NTNG1: variants seen among roughly 807,000 people sequenced by gnomAD.
The protein encoded by NTNG1 is netrin G1.
A neutral mutation model predicts 54.0 loss-of-function variants in NTNG1; 16 were observed. The observed-to-expected ratio is 0.30, with a 90% CI of 0.20 to 0.45. The LOEUF is 0.45. Among genes scored for constraint, NTNG1 ranks in the 20% least tolerant of loss-of-function variants. NTNG1 has a pLI of 1.00. For synonymous variants in NTNG1, 255 were observed against 263.1 expected (o/e 0.97, Z 0.30); for missense variants, 530 against 678.7 (o/e 0.78, Z 2.43).
At chr1:107,323,761 C>T (rs1354825423) in intron 2 of NTNG1, among the ~76,000 whole-genome samples, 2 of 90,682 alleles carry the variant, frequency 2.2e-5, no homozygotes. Flanking sequence ...TTAAGTATGA[C>T]GGATTTCAGG....
chr1:107,181,035 C>T (rs1429944532), intron 2 of NTNG1, among the ~76,000 whole-genome samples: 1 of 152,178 alleles, frequency 6.6e-6, no homozygotes, highest in Non-Finnish European at 1.5e-5. Context: ...GCAGATTCCC[C>T]TCCTGCAAGT....
chr1:107,304,566 C>T (rs968868844), intron 2 of NTNG1, among the ~76,000 whole-genome samples: 1 of 152,092 alleles, frequency 6.6e-6, no homozygotes, highest in Non-Finnish European at 1.5e-5. Context: ...TGAGAAATCT[C>T]CAATTATTTT....
chr1:107,183,452 G>A (rs1269890748), intron 2 of NTNG1, among the ~76,000 whole-genome samples: 1 of 152,076 alleles, frequency 6.6e-6, no homozygotes, highest in African/African-American at 2.4e-5. Flanking sequence ...TTTTCTACTT[G>A]AAGCATTCAA....
chr1:107,406,133 C>A (rs936426076), intron 4 of NTNG1, among the ~76,000 whole-genome samples: 6 of 152,170 alleles, frequency 3.9e-5, no homozygotes, highest in Non-Finnish European at 5.9e-5. Flanking sequence ...TTCATTCTTT[C>A]CAGGGTTTAA....
rs115856634 is a variant in NTNG1 at position 107,202,741 on chromosome 1, A to G, written c.246+53902A>G. ...AATGCATGCACAGATTCTTGTAACT[A>G]TCACCACAATCAGAATTCTAAACAA... On this transcript the variant is annotated intron_variant, in intron 2 of 7. Coordinates refer to ENST00000370068, the MANE Select transcript of NTNG1 (RefSeq NM_001113226.3). Among the ~76,000 whole-genome samples, 748 of 151,996 alleles carry G rather than the reference A, an allele frequency of 4.9e-3. 8 individuals carry two copies. Among genetic ancestry groups the G allele is most frequent in the African/African-American group, 0.017 (706 of 41,526 alleles).
At chr1:107,229,222 G>A (rs929052576) in intron 2 of NTNG1, among the ~76,000 whole-genome samples, 1 of 151,212 alleles carries the variant, frequency 6.6e-6, no homozygotes, top group African/African-American at 2.4e-5. Flanking sequence ...CTGATTGCAG[G>A]GCAATCAATC....
At chr1:107,274,869 A>G (rs12122299) in intron 2 of NTNG1, among the ~76,000 whole-genome samples, 2 of 152,078 alleles carry the variant, frequency 1.3e-5, no homozygotes, top group Admixed American at 1.3e-4. Flanking sequence ...GCACTGTGTC[A>G]GCTTAGACAC....
At chr1:107,220,419 T>C (rs1332758866) in intron 2 of NTNG1, among the ~76,000 whole-genome samples, 3 of 152,258 alleles carry the variant, frequency 2.0e-5, no homozygotes, top group Admixed American at 1.3e-4. Flanking sequence ...CTTCTCTGTC[T>C]GTTCAAGTGG....
intron 2 of NTNG1, among the ~76,000 whole-genome samples, chr1:107,292,826 A>G (rs1665705568): frequency 6.6e-6 from 1 of 151,826 alleles, no homozygotes. Flanking sequence ...TACATATAGA[A>G]CCCCAAGTCA....
At chr1:107,204,738 A>G (rs1659047721) in intron 2 of NTNG1, among the ~76,000 whole-genome samples, 1 of 152,136 alleles carries the variant, frequency 6.6e-6, no homozygotes, top group South Asian at 2.1e-4. Context: ...TTACTTAGCA[A>G]CAGACAACAG....
At chr1:107,407,915 T>C in intron 5 of NTNG1, 1 of 730,284 alleles carries the variant, frequency 1.4e-6, no homozygotes. Context: ...TCCATGAACA[T>C]GGCAGTGCTA....
intron 3 of NTNG1, among the ~76,000 whole-genome samples, chr1:107,380,787 C>G (rs771492615): frequency 2.0e-5 from 3 of 152,214 alleles, no homozygotes; most frequent in Non-Finnish European, 4.4e-5. Context: ...ATACCCTGAC[C>G]ATCCCCTGCT....
chr1:107,339,033 T>A (rs1324488587), intron 3 of NTNG1, among the ~76,000 whole-genome samples: 1 of 152,070 alleles, frequency 6.6e-6, no homozygotes, highest in Admixed American at 6.6e-5. Context: ...TACAATATTC[T>A]ACACTCCCAG....
chr1:107,291,887 G>A (rs1366737734), intron 2 of NTNG1, among the ~76,000 whole-genome samples: 2 of 151,920 alleles, frequency 1.3e-5, no homozygotes, highest in African/African-American at 4.8e-5. Flanking sequence ...TGACAAACTA[G>A]AGACATTTTG....
intron 5 of NTNG1, among the ~76,000 whole-genome samples, chr1:107,420,295 G>A (rs1177093937): frequency 1.3e-5 from 2 of 152,096 alleles, no homozygotes; most frequent in Non-Finnish European, 2.9e-5. Context: ...AATCTATTGA[G>A]AAGCAGCACA....
chr1:107,327,186 CT>C (rs1045974904), intron 3 of NTNG1, among the ~76,000 whole-genome samples: 3 of 152,168 alleles, frequency 2.0e-5, no homozygotes, highest in African/African-American at 7.2e-5. Flanking sequence ...CACCTCCAGA[CT>C]TTGTCCAAAT....
intron 2 of NTNG1, among the ~76,000 whole-genome samples, chr1:107,309,750 A>G (rs1195494291): frequency 3.3e-5 from 5 of 152,196 alleles, no homozygotes; most frequent in African/African-American, 1.2e-4. Flanking sequence ...CATCTGCTAT[A>G]AAAACCATTA....
chr1:107,395,364 C>T, intron 4 of NTNG1, 38 bp downstream of exon 4: 1 of 1,547,384 alleles, frequency 6.5e-7, no homozygotes, highest in Non-Finnish European at 8.9e-7. Context: ...ATTCTGTGCA[C>T]CATGAGGTGA....
chr1:107,352,207 AC>A (rs776444200), intron 3 of NTNG1, among the ~76,000 whole-genome samples: 4 of 152,128 alleles, frequency 2.6e-5, no homozygotes, highest in Non-Finnish European at 4.4e-5. Flanking sequence ...CTTCTCACAG[AC>A]CCACTAGGCA....
Sources: allele counts gnomAD v4.1 joint callset (sites outside exome capture counted in the v4.1 genomes callset), GRCh38; gene constraint gnomAD v4.1.1; transcripts MANE v1.5; gene names NCBI Gene and HGNC (gene_info 2026-07-23, HGNC 2026-07-21).